CDH13: variants seen among roughly 807,000 people sequenced by gnomAD.
CDH13 encodes the protein cadherin-13.
CDH13 carries 24 observed loss-of-function variants against 63.8 expected under a neutral mutation model. That is an observed-to-expected ratio of 0.38 (90% CI 0.27 to 0.53). The LOEUF (loss-of-function observed/expected upper bound fraction) is 0.53, where lower values mean the gene tolerates loss of function less well. CDH13 is among the 20% of genes least tolerant of loss of function. The pLI is 0.85. For missense variants in CDH13, 1,049 were observed against 903.1 expected, an observed-to-expected ratio of 1.16 and a Z score of -2.07; for synonymous variants, 503 against 355.3, an observed-to-expected ratio of 1.42 and a Z score of -4.67.
intron 7 of CDH13, chr16:83,508,429 G>C (rs1174380279): frequency 6.5e-6 from 1 of 153,680 alleles, no homozygotes; most frequent in African/African-American, 2.4e-5. Flanking sequence ...GGCTCACCCA[G>C]ATCCCCAGGA....
intron 5 of CDH13, among the ~76,000 whole-genome samples, chr16:83,296,367 T>G (rs931072525): frequency 3.3e-5 from 5 of 152,160 alleles, no homozygotes; most frequent in African/African-American, 1.2e-4. Context: ...CTGTTGTTAG[T>G]GCCTGGACAA....
chr16:83,199,222 G>A (rs2038958684), intron 4 of CDH13, among the ~76,000 whole-genome samples: 1 of 152,216 alleles, frequency 6.6e-6, no homozygotes, highest in African/African-American at 2.4e-5. Context: ...TGCCATGTGG[G>A]CTTGGGATGT....
At chr16:82,660,517 G>T (rs1178228681) in intron 1 of CDH13, among the ~76,000 whole-genome samples, 1 of 152,148 alleles carries the variant, frequency 6.6e-6, no homozygotes, top group Admixed American at 6.5e-5. Flanking sequence ...GAGGCACAGG[G>T]ATTAAATTCA....
At chr16:82,843,545 G>T (rs960851200) in intron 1 of CDH13, among the ~76,000 whole-genome samples, 2 of 151,884 alleles carry the variant, frequency 1.3e-5, no homozygotes, top group African/African-American at 4.8e-5. Context: ...TTTTCTTCTA[G>T]AACTTTTCAG....
chr16:83,146,971 T>A (rs2036777919), intron 4 of CDH13, among the ~76,000 whole-genome samples: 1 of 151,926 alleles, frequency 6.6e-6, no homozygotes, highest in South Asian at 2.1e-4. Context: ...ACTTGTAATC[T>A]CAGCTACCCA....
chr16:83,699,514 A>C (rs567525848), intron 10 of CDH13, among the ~76,000 whole-genome samples: 5 of 152,186 alleles, frequency 3.3e-5, no homozygotes, highest in African/African-American at 9.7e-5. Flanking sequence ...TCTGGCTTCA[A>C]GCTTCCACTT....
intron 1 of CDH13, among the ~76,000 whole-genome samples, chr16:82,851,321 G>T (rs1021220474): frequency 2.0e-5 from 3 of 151,852 alleles, no homozygotes; most frequent in Admixed American, 6.6e-5. Context: ...TGTAATCCCA[G>T]CTACTCGGGA....
At chr16:82,832,090 C>G (rs1475066226) in intron 1 of CDH13, among the ~76,000 whole-genome samples, 1 of 152,104 alleles carries the variant, frequency 6.6e-6, no homozygotes, top group Non-Finnish European at 1.5e-5. Context: ...TTATAATTAC[C>G]TCTTCTTTAA....
At chr16:82,913,081 T>C (rs1427379024) in intron 2 of CDH13, among the ~76,000 whole-genome samples, 1 of 152,172 alleles carries the variant, frequency 6.6e-6, no homozygotes, top group Non-Finnish European at 1.5e-5. Flanking sequence ...TTATTTGCAT[T>C]AATGTATGAG....
intron 5 of CDH13, among the ~76,000 whole-genome samples, chr16:83,312,979 G>A (rs1164247871): frequency 6.6e-6 from 1 of 152,182 alleles, no homozygotes; most frequent in African/African-American, 2.4e-5. Flanking sequence ...AGTGCTTGCA[G>A]GGAGTCACTA....
At position 82,634,866 on chromosome 16, in the gene CDH13, G is replaced by C. The variant is rs899659887; in HGVS notation, c.45+7729G>C. 2.0e-5 allele frequency among the ~76,000 whole-genome samples: 3 copies of C among 152,136 alleles called. No homozygotes were observed. The East Asian group carries it at 5.8e-4, about 29-fold the overall frequency. The stretch of plus-strand genomic sequence containing the variant: ...AGGGAGATTCACCTGAGACCAAATG[G>C]TTCCAATAAATATCTATGATCTCTA... On this transcript the variant is annotated intron_variant, in intron 1 of 13. Transcript: ENST00000567109.
intron 5 of CDH13, among the ~76,000 whole-genome samples, chr16:83,232,972 G>A (rs1413945876): frequency 2.0e-5 from 3 of 152,262 alleles, no homozygotes; most frequent in Non-Finnish European, 4.4e-5. Context: ...TGCTGATGTT[G>A]TCTGACCTAG....
At chr16:82,708,214 C>T (rs1436329485) in intron 1 of CDH13, among the ~76,000 whole-genome samples, 1 of 152,174 alleles carries the variant, frequency 6.6e-6, no homozygotes, top group Admixed American at 6.5e-5. Context: ...GGTCATATGC[C>T]ACATACAGCT....
chr16:83,203,363 G>A (rs946267909), intron 4 of CDH13, among the ~76,000 whole-genome samples: 3 of 152,066 alleles, frequency 2.0e-5, no homozygotes, highest in South Asian at 2.1e-4. Context: ...CACATGTACC[G>A]CCAAATCTAA....
At chr16:82,873,859 C>T (rs574822886) in intron 2 of CDH13, among the ~76,000 whole-genome samples, 1 of 152,254 alleles carries the variant, frequency 6.6e-6, no homozygotes, top group South Asian at 2.1e-4. Context: ...TTTCTTCCTA[C>T]TTCTTCTGAG....
At chr16:82,981,279 T>C (rs991055307) in intron 2 of CDH13, among the ~76,000 whole-genome samples, 16 of 152,210 alleles carry the variant, frequency 1.1e-4, no homozygotes, top group African/African-American at 3.9e-4. Flanking sequence ...CTGATAAATG[T>C]ATTCCCTCAA....
intron 8 of CDH13, among the ~76,000 whole-genome samples, chr16:83,656,921 T>C (rs2072601854): frequency 1.3e-5 from 2 of 152,198 alleles, no homozygotes; most frequent in South Asian, 2.1e-4. Context: ...ATTTCAGATG[T>C]GGTACATTCT....
chr16:83,168,413 C>T (rs2037778119), intron 4 of CDH13, among the ~76,000 whole-genome samples: 1 of 151,802 alleles, frequency 6.6e-6, no homozygotes, highest in South Asian at 2.1e-4. Context: ...AGCCTTCTTT[C>T]CAGCAGAAGC....
chr16:82,857,170 A>C (rs773648767), intron 1 of CDH13, among the ~76,000 whole-genome samples: 113 of 152,192 alleles, frequency 7.4e-4, no homozygotes, highest in Non-Finnish European at 1.5e-3. Flanking sequence ...GGCTTCACCC[A>C]TTCCAACTGT....
Sources: allele counts gnomAD v4.1 joint callset (sites outside exome capture counted in the v4.1 genomes callset), GRCh38; gene constraint gnomAD v4.1.1; transcripts MANE v1.5; gene names NCBI Gene and HGNC (gene_info 2026-07-23, HGNC 2026-07-21).